The following KCNIP4 variants were observed in gnomAD, a reference collection of about 807,000 sequenced individuals.
The protein encoded by KCNIP4 is Kv channel-interacting protein 4.
A neutral mutation model predicts 34.0 loss-of-function variants in KCNIP4; 12 were observed. The ratio of observed to expected loss-of-function variants is 0.35; its 90% CI spans 0.23 to 0.57. The LOEUF (loss-of-function observed/expected upper bound fraction) is 0.57, where lower values mean the gene tolerates loss of function less well. Ranked by LOEUF, KCNIP4 falls within the 20% of genes least tolerant of loss-of-function variation. The pLI is 0.83. For missense variants in KCNIP4, 238 were observed against 311.7 expected (o/e 0.76, Z 1.78); for synonymous variants, 124 against 102.2 (o/e 1.21, Z -1.29).
At chr4:21,101,226 G>A (rs1055110036) in intron 1 of KCNIP4, among the ~76,000 whole-genome samples, 1 of 152,116 alleles carries the variant, frequency 6.6e-6, no homozygotes, top group Non-Finnish European at 1.5e-5. Context: ...TTGACTTGCT[G>A]GGTTATTTCA....
rs1004946711 is a variant in KCNIP4 at position 21,528,566 on chromosome 4, T to C, written c.61+420005A>G. On this transcript the variant is annotated intron_variant, in intron 1 of 8. Transcript: ENST00000382152. ...CCTATAGTCCCAGCTACTCAGGAGG[T>C]TGAGACAGGACAATCACTTAAACTT... is the stretch of plus-strand genomic sequence containing the variant. Among the ~76,000 whole-genome samples, 4 of 150,766 alleles carry C rather than the reference T, an allele frequency of 2.7e-5. No homozygotes were observed. In the Middle Eastern group the frequency reaches 0.014, roughly 513 times the overall value.
intron 1 of KCNIP4, among the ~76,000 whole-genome samples, chr4:21,905,514 A>C (rs1025935981): frequency 1.3e-5 from 2 of 152,132 alleles, no homozygotes; most frequent in Admixed American, 6.6e-5. Flanking sequence ...ACACCATGGA[A>C]TACTATGCAG....
intron 1 of KCNIP4, among the ~76,000 whole-genome samples, chr4:21,715,304 C>G (rs1333330535): frequency 5.3e-5 from 8 of 151,722 alleles, no homozygotes; most frequent in Non-Finnish European, 1.2e-4. Context: ...GCTAATTTTT[C>G]TATTTTTAGT....
chr4:20,816,021 G>A (rs1039594566), intron 3 of KCNIP4, among the ~76,000 whole-genome samples: 1 of 152,058 alleles, frequency 6.6e-6, no homozygotes, highest in Non-Finnish European at 1.5e-5. Flanking sequence ...GGCCAAGGTG[G>A]ATGGATCATC....
At position 21,310,834 on chromosome 4, in the gene KCNIP4, T is replaced by A. The variant is rs538946450; in HGVS notation, c.62-428125A>T. On this transcript the variant is annotated intron_variant, in intron 1 of 8. Coordinates refer to ENST00000382152, the MANE Select transcript of KCNIP4 (RefSeq NM_025221.6). Reference sequence around the variant, plus strand: ...TAATAGAGACGGGGTTTCACCATGTTAGCCAGGACGGTCTGGATCGCCTAA... The same window carrying A: ...TAATAGAGACGGGGTTTCACCATGTAAGCCAGGACGGTCTGGATCGCCTAA... Among the ~76,000 whole-genome samples the A allele has an allele frequency of 5.9e-5, 9 of 151,992 alleles. No homozygotes were observed. In the South Asian group the frequency reaches 1.9e-3, roughly 32 times the overall value.
chr4:20,786,529 CT>C (rs1411939300), intron 3 of KCNIP4, among the ~76,000 whole-genome samples: 1 of 152,060 alleles, frequency 6.6e-6, no homozygotes, highest in Non-Finnish European at 1.5e-5. Context: ...TTCCATATTT[CT>C]ATAATGAGCA....
chr4:21,638,267 G>A (rs1313061412), intron 1 of KCNIP4, among the ~76,000 whole-genome samples: 2 of 152,182 alleles, frequency 1.3e-5, no homozygotes, highest in African/African-American at 2.4e-5. Context: ...AGCAGCCTAA[G>A]AGACAGCATG....
chr4:21,824,869 G>A (rs1418602529), intron 1 of KCNIP4, among the ~76,000 whole-genome samples: 5 of 152,102 alleles, frequency 3.3e-5, no homozygotes, highest in South Asian at 4.1e-4. Flanking sequence ...GTGAGAGCGA[G>A]GCCATGCTGT....
At chr4:21,109,591 A>G (rs866984509) in intron 1 of KCNIP4, among the ~76,000 whole-genome samples, 67 of 152,316 alleles carry the variant, frequency 4.4e-4, no homozygotes, top group African/African-American at 1.4e-3. Flanking sequence ...TGGCTCGCGC[A>G]TGGTGCGCTG....
chr4:21,539,808 G>A (rs79865479), intron 1 of KCNIP4, among the ~76,000 whole-genome samples: 2,182 of 152,022 alleles, frequency 0.014, 45 homozygotes, highest in African/African-American at 0.043. Flanking sequence ...GTGAAACCCC[G>A]TTTCTACTAA....
intron 1 of KCNIP4, among the ~76,000 whole-genome samples, chr4:21,096,859 G>T (rs1051171081): frequency 2.6e-5 from 4 of 152,010 alleles, no homozygotes; most frequent in Non-Finnish European, 5.9e-5. Context: ...AATCTCATGA[G>T]CAGTAATGAC....
chr4:20,930,980 C>T (rs139515546), intron 1 of KCNIP4, among the ~76,000 whole-genome samples: 2 of 151,960 alleles, frequency 1.3e-5, no homozygotes, highest in African/African-American at 4.8e-5. Context: ...AAAAATAGAC[C>T]AGCAATGACC....
At chr4:21,732,613 G>C (rs1311311045) in intron 1 of KCNIP4, among the ~76,000 whole-genome samples, 1 of 152,160 alleles carries the variant, frequency 6.6e-6, no homozygotes, top group East Asian at 1.9e-4. Flanking sequence ...ATGCCTCCCA[G>C]AGCCTGCTCC....
chr4:21,327,423 G>T (rs922790659), intron 1 of KCNIP4, among the ~76,000 whole-genome samples: 31 of 151,932 alleles, frequency 2.0e-4, no homozygotes, highest in African/African-American at 7.5e-4. Context: ...ATACATATTG[G>T]AGACCTATTG....
intron 1 of KCNIP4, among the ~76,000 whole-genome samples, chr4:21,527,591 C>T (rs1736078912): frequency 6.6e-6 from 1 of 152,080 alleles, no homozygotes; most frequent in Non-Finnish European, 1.5e-5. Context: ...AAAGAGCCTA[C>T]CACAGTAGTT....
chr4:21,495,415 T>C (rs901615119), intron 1 of KCNIP4, among the ~76,000 whole-genome samples: 4 of 152,160 alleles, frequency 2.6e-5, no homozygotes, highest in African/African-American at 9.7e-5. Context: ...CTACTTTCCC[T>C]AAAATCACTG....
At chr4:21,013,421 A>G (rs1175220042) in intron 1 of KCNIP4, among the ~76,000 whole-genome samples, 1 of 152,104 alleles carries the variant, frequency 6.6e-6, no homozygotes, top group Non-Finnish European at 1.5e-5. Flanking sequence ...AGGCAGGGTT[A>G]AATTCCCCTC....
At chr4:21,775,369 C>T (rs980581045) in intron 1 of KCNIP4, among the ~76,000 whole-genome samples, 1 of 152,152 alleles carries the variant, frequency 6.6e-6, no homozygotes, top group Non-Finnish European at 1.5e-5. Flanking sequence ...TCGAGGGCCA[C>T]CAACCTGATG....
Position 21,557,833 on chromosome 4 carries a change from T to C in KCNIP4, c.61+390738A>G, listed in dbSNP as rs562835992. Among the ~76,000 whole-genome samples the C allele has an allele frequency of 4.6e-5, 7 of 152,304 alleles. No individual in the cohort carries two copies. In the East Asian group the frequency reaches 1.4e-3, roughly 29 times the overall value. On this transcript the variant is annotated intron_variant, in intron 1 of 8. Transcript: ENST00000382152. The stretch of plus-strand genomic sequence containing the variant: ...GGATTTCCATTTCCTTCCTGGGCTT[T>C]GTAACTATAGAAAAACAACTTACGA...
Sources: allele counts gnomAD v4.1 joint callset (sites outside exome capture counted in the v4.1 genomes callset), GRCh38; gene constraint gnomAD v4.1.1; transcripts MANE v1.5; gene names NCBI Gene and HGNC (gene_info 2026-07-23, HGNC 2026-07-21).